The following FARS2 variants were observed in gnomAD, a reference collection of about 807,000 sequenced individuals.
The protein encoded by FARS2 is phenylalanine--tRNA ligase, mitochondrial.
Under a neutral mutation model 46.4 loss-of-function variants are expected in FARS2, and 40 were observed. The observed-to-expected ratio is 0.86, with a 90% CI of 0.67 to 1.12. FARS2 has a LOEUF of 1.12. Ranked by LOEUF, FARS2 falls within the 50% of genes most tolerant of loss-of-function variation. The pLI is 0.00. For missense variants in FARS2, 513 were observed against 567.9 expected (o/e 0.90, Z 0.98); for synonymous variants, 234 against 214.9 (o/e 1.09, Z -0.78).
chr6:5,482,916 A>C (rs1424307237), intron 4 of FARS2, among the ~76,000 whole-genome samples: 2 of 152,204 alleles, frequency 1.3e-5, no homozygotes, highest in Non-Finnish European at 2.9e-5. Context: ...CTCATGACCC[A>C]GCTCTGGTTT....
At chr6:5,686,351 G>GCA (rs1757217014) in intron 6 of FARS2, among the ~76,000 whole-genome samples, 1 of 138,404 alleles carries the variant, frequency 7.2e-6, no homozygotes, top group African/African-American at 3.0e-5. Flanking sequence ...CTCCCCCCCC[G>GCA]CTGCCCACAC....
chr6:5,426,247 T>C (rs1762843313), intron 3 of FARS2, among the ~76,000 whole-genome samples: 1 of 152,238 alleles, frequency 6.6e-6, no homozygotes, highest in African/African-American at 2.4e-5. Context: ...AATTTTCCTC[T>C]ATAGCCCCAA....
intron 4 of FARS2, among the ~76,000 whole-genome samples, chr6:5,482,367 G>A (rs1766517497): frequency 6.6e-6 from 1 of 152,104 alleles, no homozygotes; most frequent in African/African-American, 2.4e-5. Flanking sequence ...GACTGTTGCT[G>A]GATTAAATGA....
intron 4 of FARS2, 44 bp downstream of exon 4, chr6:5,431,216 A>G: frequency 6.2e-7 from 1 of 1,603,390 alleles, no homozygotes; most frequent in Non-Finnish European, 8.5e-7. Flanking sequence ...CTCTAAAGGA[A>G]CCCTCCCTTC....
chr6:5,650,662 G>A (rs758110834), intron 6 of FARS2, among the ~76,000 whole-genome samples: 8 of 152,078 alleles, frequency 5.3e-5, no homozygotes, highest in Non-Finnish European at 1.2e-4. Context: ...TGTATTTTTA[G>A]TAGATGGGGT....
At chr6:5,583,302 C>T (rs1215792773) in intron 5 of FARS2, among the ~76,000 whole-genome samples, 4 of 152,216 alleles carry the variant, frequency 2.6e-5, no homozygotes, top group Non-Finnish European at 4.4e-5. Context: ...GGAAGTTCAG[C>T]TCAGTCCACC....
chr6:5,588,811 G>A (rs1001060315), intron 5 of FARS2, among the ~76,000 whole-genome samples: 3 of 152,146 alleles, frequency 2.0e-5, no homozygotes, highest in East Asian at 1.9e-4. Context: ...TGTGATCCCC[G>A]GGCAACCTGG....
intron 6 of FARS2, among the ~76,000 whole-genome samples, chr6:5,755,207 T>C (rs1379161483): frequency 6.6e-6 from 1 of 152,238 alleles, no homozygotes; most frequent in East Asian, 1.9e-4. Context: ...ATGTAAGTCT[T>C]TTTTTATTAT....
chr6:5,470,087 A>C (rs1337051356), intron 4 of FARS2, among the ~76,000 whole-genome samples: 1 of 152,216 alleles, frequency 6.6e-6, no homozygotes, highest in Non-Finnish European at 1.5e-5. Flanking sequence ...TTTATTATTA[A>C]TATTATTGTT....
At chr6:5,356,386 G>A (rs982870979) in intron 1 of FARS2, among the ~76,000 whole-genome samples, 10 of 152,282 alleles carry the variant, frequency 6.6e-5, no homozygotes, top group Admixed American at 5.9e-4. Context: ...GGAGGCAGAG[G>A]GTTGCAGTGA....
chr6:5,269,983 G>C (rs941180078), intron 1 of FARS2, among the ~76,000 whole-genome samples: 2 of 152,222 alleles, frequency 1.3e-5, no homozygotes, highest in African/African-American at 4.8e-5. Context: ...TTGTGAGTTT[G>C]AGTTAACTAA....
chr6:5,574,402 G>A (rs967086448), intron 5 of FARS2, among the ~76,000 whole-genome samples: 64 of 152,286 alleles, frequency 4.2e-4, no homozygotes, highest in African/African-American at 1.5e-3. Flanking sequence ...GGGATTACAG[G>A]CGTTAGGAGA....
chr6:5,399,885 C>G (rs914988187), intron 2 of FARS2, among the ~76,000 whole-genome samples: 35 of 152,014 alleles, frequency 2.3e-4, no homozygotes, highest in Non-Finnish European at 7.4e-5. Context: ...CAATGTGAGA[C>G]TTTTTAAAAA....
intron 6 of FARS2, among the ~76,000 whole-genome samples, chr6:5,746,917 C>T (rs1009083023): frequency 6.6e-6 from 1 of 152,126 alleles, no homozygotes; most frequent in Non-Finnish European, 1.5e-5. Flanking sequence ...TATGTAGGAC[C>T]TTTAGATTAT....
intron 4 of FARS2, among the ~76,000 whole-genome samples, chr6:5,482,063 T>G (rs1344123033): frequency 6.6e-6 from 1 of 152,136 alleles, no homozygotes; most frequent in Non-Finnish European, 1.5e-5. Flanking sequence ...TGCTTCCTCT[T>G]TCTTAGAAAC....
chr6:5,339,679 C>A (rs990535297), intron 1 of FARS2, among the ~76,000 whole-genome samples: 1 of 152,176 alleles, frequency 6.6e-6, no homozygotes, highest in African/African-American at 2.4e-5. Flanking sequence ...AAGCAATCCA[C>A]CCACCTTGAC....
intron 6 of FARS2, among the ~76,000 whole-genome samples, chr6:5,698,318 G>A (rs912879949): frequency 2.0e-5 from 3 of 152,132 alleles, no homozygotes; most frequent in African/African-American, 4.8e-5. Context: ...GTCACATGGC[G>A]AAAGCAGGAG....
At chr6:5,569,323 A>G (rs1772501020) in intron 5 of FARS2, among the ~76,000 whole-genome samples, 1 of 150,858 alleles carries the variant, frequency 6.6e-6, no homozygotes, top group Admixed American at 6.6e-5. Flanking sequence ...TGCATCCTTG[A>G]CCAACTGGGC....
chr6:5,404,505 A>T (rs762295493), intron 2 of FARS2, 37 bp from the exon 3 acceptor site: 5 of 1,476,432 alleles, frequency 3.4e-6, no homozygotes. Flanking sequence ...ATGGGCCAGG[A>T]TATTTTCTTT....
Sources: allele counts gnomAD v4.1 joint callset (sites outside exome capture counted in the v4.1 genomes callset), GRCh38; gene constraint gnomAD v4.1.1; transcripts MANE v1.5; gene names NCBI Gene and HGNC (gene_info 2026-07-23, HGNC 2026-07-21).